TCOF1: variants seen among roughly 807,000 people sequenced by gnomAD.
TCOF1 encodes the protein treacle ribosome biogenesis factor 1.
TCOF1 carries 33 observed loss-of-function variants against 149.0 expected under a neutral mutation model. The observed-to-expected ratio is 0.22, with a 90% CI of 0.17 to 0.30. The LOEUF (loss-of-function observed/expected upper bound fraction) is 0.30, where lower values mean the gene tolerates loss of function less well. Ranked by LOEUF, TCOF1 falls within the 10% of genes least tolerant of loss-of-function variation. TCOF1 has a pLI of 1.00. For missense variants in TCOF1, 1,728 were observed against 1,840.7 expected, an observed-to-expected ratio of 0.94 and a Z score of 1.12; for synonymous variants, 789 against 738.8, an observed-to-expected ratio of 1.07 and a Z score of -1.10.
At chr5:150,362,312 A>G (rs1329583239) in intron 2 of TCOF1, among the ~76,000 whole-genome samples, 1 of 152,160 alleles carries the variant, frequency 6.6e-6, no homozygotes, top group Non-Finnish European at 1.5e-5. Context: ...TGGAGAGAGT[A>G]ATTGTGTTCT....
chr5:150,389,897 C>T lies in TCOF1; in HGVS notation c.3057C>T (p.Thr1019=). The T allele has an allele frequency of 6.2e-7, 1 of 1,614,232 alleles. No individual in the cohort carries two copies. The highest frequency in any genetic ancestry group is 8.5e-7 in the Non-Finnish European group (1 of 1,180,036). The part of the protein sequence containing the change: ...ATQCLTPGIR[T]NVVTMPTAHP... ...CTCGCTCCATTTCAGGCATCAGAAC[C>T]AATGTGGTGACCATGCCCACTGCCC... The change falls in exon 19 of 27, where the codon ACC becomes ACT. Residue 1019 remains threonine, a synonymous_variant. Coordinates refer to ENST00000643257, the MANE Select transcript of TCOF1 (RefSeq NM_001371623.1).
At chr5:150,387,879 G>C (rs936983771) in intron 17 of TCOF1, 23 bp from the exon 18 acceptor site, 4 of 1,613,530 alleles carry the variant, frequency 2.5e-6, no homozygotes, top group Admixed American at 3.3e-5. Flanking sequence ...CACTGGGGGG[G>C]TGTTTTGTTT....
At chr5:150,392,542 A>G in intron 21 of TCOF1, 163 bp from the exon 22 acceptor site, 3 of 693,234 alleles carry the variant, frequency 4.3e-6, no homozygotes, top group Non-Finnish European at 7.6e-6. Context: ...ACTAGCGATA[A>G]GTGTGCAAGG....
chr5:150,377,589 TCTA>T (rs1339206398), intron 14 of TCOF1, among the ~76,000 whole-genome samples: 1 of 152,212 alleles, frequency 6.6e-6, no homozygotes, highest in East Asian at 1.9e-4. Flanking sequence ...AGCACACATT[TCTA>T]CTGATTTTTT....
At position 150,376,180 on chromosome 5, in the gene TCOF1, A is replaced by G. The variant is rs780672253; in HGVS notation, c.1992A>G (p.Gln664=). ...AKVAPVRVGT[Q]APRKAGTATS... is the part of the protein sequence containing the mutation. ...TCGCCCCTGTGCGAGTGGGCACCCAAGCCCCCCGGAAAGCAGGAACTGCGA... is the reference window on the plus strand; with the variant it reads ...TCGCCCCTGTGCGAGTGGGCACCCAGGCCCCCCGGAAAGCAGGAACTGCGA... Residue 664 remains glutamine (Q), a synonymous_variant, in exon 13 of 27, where the codon CAA becomes CAG. Transcript: ENST00000643257. The G allele has an allele frequency of 5.6e-6, 9 of 1,614,050 alleles. No homozygotes were observed. Among genetic ancestry groups the G allele is most frequent in the East Asian group, 2.2e-5 (1 of 44,892 alleles).
At position 150,396,747 on chromosome 5, in the gene TCOF1, A is replaced by G; in HGVS notation, c.4250A>G (p.Glu1417Gly). 6.2e-7 allele frequency: 1 copy of G among 1,612,504 alleles called. No individual in the cohort carries two copies. The highest frequency in any genetic ancestry group is 8.5e-7 in the Non-Finnish European group (1 of 1,179,574). Residue 1417 changes from glutamate to glycine, a missense_variant, in exon 24 of 27, where the codon GAG (glutamate) becomes GGG (glycine). By Grantham distance (98) the Glu-to-Gly change is moderately conservative. Around this residue, in one of 2 missense-constraint regions of TCOF1, gnomAD observed 1,696 missense variants for 1,765.4 expected, o/e 0.96. Transcript: ENST00000643257. The stretch of plus-strand genomic sequence containing the variant: ...CTTGGCTCCCAAGGGGCCAAGGACG[A>G]GCCAGAAGAGGAGCTTCAGAAGGGG... The part of the protein sequence containing the change: ...GSLGSQGAKD[E>G]PEEELQKGMG...
Position 150,396,414 on chromosome 5 carries a change from C to T in TCOF1, c.3917C>T (p.Pro1306Leu). 1 of 1,614,040 alleles carries T rather than the reference C, an allele frequency of 6.2e-7. No individual in the cohort carries two copies. Among genetic ancestry groups the T allele is most frequent in the South Asian group, 1.1e-5 (1 of 91,082 alleles). The change falls in exon 24 of 27, where the codon CCC (proline) becomes CTC (leucine). Residue 1306 changes from proline (P) to leucine (L), a missense_variant. Pro to Leu is a moderately conservative substitution (Grantham distance 98, BLOSUM62 -3). Around this residue, in one of 2 missense-constraint regions of TCOF1, gnomAD observed 1,696 missense variants for 1,765.4 expected, o/e 0.96. Coordinates refer to ENST00000643257, the MANE Select transcript of TCOF1 (RefSeq NM_001371623.1). ...ITQCLLGQPWPLNEAQVQASV... is the reference protein window; with the variant it reads ...ITQCLLGQPWLLNEAQVQASV... ...CAGTGCCTCCTGGGCCAACCCTGGC[C>T]CCTGAATGAGGCCCAGGTGCAGGCC...
chr5:150,393,626 G>A lies in TCOF1; in HGVS notation c.3784+74G>A, dbSNP rs1581211757. On this transcript the variant is annotated intron_variant, in intron 23 of 26. Transcript: ENST00000643257. ...GCAGTGGGCCCCTTCTTGCCCTCCTGTAGCAACAGTCCTCCCAACATGGTC... is the reference window on the plus strand; with the variant it reads ...GCAGTGGGCCCCTTCTTGCCCTCCTATAGCAACAGTCCTCCCAACATGGTC... 4.4e-6 allele frequency: 7 copies of A among 1,583,104 alleles called. No homozygotes were observed. In the Admixed American group the frequency reaches 5.1e-5, roughly 12 times the overall value.
At position 150,376,583 on chromosome 5, in the gene TCOF1, A is replaced by C; in HGVS notation, c.2303A>C (p.Glu768Ala). The stretch of plus-strand genomic sequence containing the variant: ...GAAGACTCTGAGAGCAGTGAGGAGG[A>C]ATCAGACAGTGAGGAAGCAGCTGCA... ...KQEDSESSEE[E>A]SDSEEAAASP... Residue 768 changes from glutamate to alanine, a missense_variant, in exon 14 of 27, where the codon GAA (glutamate) becomes GCA (alanine). By Grantham distance (107) the Glu-to-Ala change is moderately radical (BLOSUM62 -1). Around this residue, in one of 2 missense-constraint regions of TCOF1, gnomAD observed 1,696 missense variants for 1,765.4 expected, o/e 0.96. Transcript: ENST00000643257. 2 of 1,586,314 alleles carry C rather than the reference A, an allele frequency of 1.3e-6. No individual in the cohort carries two copies. The highest frequency in any genetic ancestry group is 1.7e-6 in the Non-Finnish European group (2 of 1,166,162).
chr5:150,396,361 A>G lies in TCOF1; in HGVS notation c.3864A>G (p.Ser1288=). 6.8e-6 allele frequency: 11 copies of G among 1,613,982 alleles called. No individual in the cohort carries two copies. Among genetic ancestry groups the G allele is most frequent in the Non-Finnish European group, 7.6e-6 (9 of 1,180,040 alleles). ...AAGGGGCTGGGAACCCCCAAGCCTCAACCCTGGCGCTGCAAAGCAACATCA... is the reference window on the plus strand; with the variant it reads ...AAGGGGCTGGGAACCCCCAAGCCTCGACCCTGGCGCTGCAAAGCAACATCA... The part of the protein sequence containing the change: ...PKKGAGNPQA[S]TLALQSNITQ... Residue 1288 remains serine, a synonymous_variant, in exon 24 of 27, where the codon TCA becomes TCG. Transcript: ENST00000643257.
rs1768511392 is a variant in TCOF1, at chr5:150,396,360, C to T, written c.3863C>T (p.Ser1288Leu). 1.2e-6 allele frequency: 2 copies of T among 1,613,872 alleles called. No homozygotes were observed. The highest frequency in any genetic ancestry group is 1.7e-6 in the Non-Finnish European group (2 of 1,180,050). Reference sequence around the variant, plus strand: ...AAAGGGGCTGGGAACCCCCAAGCCTCAACCCTGGCGCTGCAAAGCAACATC... The same window carrying T: ...AAAGGGGCTGGGAACCCCCAAGCCTTAACCCTGGCGCTGCAAAGCAACATC... ...PKKGAGNPQA[S>L]TLALQSNITQ... Residue 1288 changes from serine (S) to leucine (L), a missense_variant, in exon 24 of 27, where the codon TCA (serine) becomes TTA (leucine). By Grantham distance (145) the Ser-to-Leu change is moderately radical. Coordinates refer to ENST00000643257, the MANE Select transcript of TCOF1 (RefSeq NM_001371623.1).
chr5:150,367,410 A>G (rs1416284085), intron 3 of TCOF1, among the ~76,000 whole-genome samples: 2 of 152,198 alleles, frequency 1.3e-5, no homozygotes, highest in African/African-American at 2.4e-5. Flanking sequence ...ATTCCAGGCA[A>G]CTTTCTCTGT....
In TCOF1 at chr5:150,375,544, C is replaced by T; in HGVS notation, c.1694C>T (p.Ala565Val). Residue 565 changes from alanine to valine, a missense_variant, in exon 11 of 27, where the codon GCC (alanine) becomes GTC (valine). Ala to Val is a moderately conservative substitution (Grantham distance 64). This residue lies in a region of TCOF1 where 1,696 missense variants were observed against 1,765.4 expected (regional missense o/e 0.96). Coordinates refer to ENST00000643257, the MANE Select transcript of TCOF1 (RefSeq NM_001371623.1). ...GATGGAGAGGTGCCCACAGCTGTGG[C>T]CCCGGCTCAGGTGAGGCCCCTTCCT... ...SSDGEVPTAVAPAQEKSLGNI... is the reference protein window; with the variant it reads ...SSDGEVPTAVVPAQEKSLGNI... The T allele has an allele frequency of 6.2e-7, 1 of 1,613,984 alleles. No homozygotes were observed. Among genetic ancestry groups the T allele is most frequent in the African/African-American group, 1.3e-5 (1 of 75,026 alleles).
intron 20 of TCOF1, 89 bp downstream of exon 20, chr5:150,391,746 C>A (rs1767492614): frequency 1.5e-6 from 2 of 1,323,758 alleles, no homozygotes; most frequent in African/African-American, 1.5e-5. Flanking sequence ...CTCATCTGCC[C>A]CATGACCTCT....
chr5:150,372,099 G>A lies in TCOF1; in HGVS notation c.733G>A (p.Val245Met). The part of the protein sequence containing the change: ...ARKAAPAPGK[V>M]GDVTPQVKGG... ...AAAGGCGGCCCCAGCCCCTGGGAAG[G>A]TGGGGGATGTGACACCCCAGGTCAA... The change falls in exon 7 of 27, where the codon GTG becomes ATG. Residue 245 changes from valine (V) to methionine (M), a missense_variant. By Grantham distance (21) the Val-to-Met change is conservative (BLOSUM62 1). Transcript: ENST00000643257. 1.9e-6 allele frequency: 3 copies of A among 1,614,230 alleles called. No individual in the cohort carries two copies. Among genetic ancestry groups the A allele is most frequent in the Non-Finnish European group, 2.5e-6 (3 of 1,180,034 alleles).
At chr5:150,382,173 AAG>A (rs1491372939) in intron 17 of TCOF1, among the ~76,000 whole-genome samples, 1 of 152,090 alleles carries the variant, frequency 6.6e-6, no homozygotes, top group East Asian at 1.9e-4. Flanking sequence ...TCAAAAAAAA[AAG>A]AGATTAGGGG....
chr5:150,392,725 A>T lies in TCOF1; in HGVS notation c.3538A>T (p.Thr1180Ser), dbSNP rs144793475. Residue 1180 changes from threonine to serine, a missense_variant, in exon 22 of 27, where the codon ACA (threonine) becomes TCA (serine). This residue lies in a region of TCOF1 where 1,696 missense variants were observed against 1,765.4 expected (regional missense o/e 0.96). Coordinates refer to ENST00000643257, the MANE Select transcript of TCOF1 (RefSeq NM_001371623.1). ...TCCAGTAGGTCCCACCCCCTCCAGG[A>T]CAGAGACCCTGGTGGAGGAGACCGC... ...HTLVGPTPSRTETLVEETAAE... is the reference protein window; with the variant it reads ...HTLVGPTPSRSETLVEETAAE... 137 of 1,614,068 alleles carry T rather than the reference A, an allele frequency of 8.5e-5. No individual in the cohort carries two copies. In the African/African-American group the frequency reaches 1.5e-3, roughly 18 times the overall value.
chr5:150,374,943 T>G lies in TCOF1; in HGVS notation c.1279-11T>G, dbSNP rs1562345501. The G allele has an allele frequency of 1.2e-6, 2 of 1,612,876 alleles. No individual in the cohort carries two copies. Among genetic ancestry groups the G allele is most frequent in the Admixed American group, 3.3e-5 (2 of 59,862 alleles). ...CTCTGGGCTCTCCCCTCATCCTGTT[T>G]CTCACTCCAGGCGAAGCCTTCAGGG... On this transcript the variant is annotated splice_polypyrimidine_tract_variant and intron_variant, in intron 9 of 26. Transcript: ENST00000643257.
chr5:150,375,570 G>A lies in TCOF1; in HGVS notation c.1704+16G>A, dbSNP rs371236667. 1.7e-4 allele frequency: 270 copies of A among 1,613,990 alleles called. 2 individuals are homozygous for A. The African/African-American group carries it at 3.4e-3, about 20-fold the overall frequency. Reference sequence around the variant, plus strand: ...CCCGGCTCAGGTGAGGCCCCTTCCTGTAAGGCTCTTTCTTTTTCCCCCCCA... The same window carrying A: ...CCCGGCTCAGGTGAGGCCCCTTCCTATAAGGCTCTTTCTTTTTCCCCCCCA... On this transcript the variant is annotated intron_variant, in intron 11 of 26. Coordinates refer to ENST00000643257, the MANE Select transcript of TCOF1 (RefSeq NM_001371623.1).
Sources: allele counts gnomAD v4.1 joint callset (sites outside exome capture counted in the v4.1 genomes callset), GRCh38; gene constraint gnomAD v4.1.1; regional missense constraint gnomAD v4.1.1; transcripts MANE v1.5; gene names NCBI Gene and HGNC (gene_info 2026-07-23, HGNC 2026-07-21).